CCDC171: variants seen among roughly 807,000 people sequenced by gnomAD.
The protein encoded by CCDC171 is coiled-coil domain containing 171.
Under a neutral mutation model 168.2 loss-of-function variants are expected in CCDC171, and 177 were observed. The observed-to-expected ratio is 1.05, with a 90% CI of 0.93 to 1.19. The LOEUF (loss-of-function observed/expected upper bound fraction) is 1.19, where lower values mean the gene tolerates loss of function less well. CCDC171 is among the 50% of genes most tolerant of loss of function. CCDC171 has a pLI of 0.00. For synonymous variants in CCDC171, 687 were observed against 540.8 expected (o/e 1.27, Z -3.75); for missense variants, 1,991 against 1,539.0 (o/e 1.29, Z -4.91).
intron 25 of CCDC171, among the ~76,000 whole-genome samples, chr9:15,921,288 A>G (rs1054071261): frequency 6.6e-6 from 1 of 151,696 alleles, no homozygotes; most frequent in Admixed American, 6.6e-5. Context: ...GTCTTGGCTC[A>G]AGTGCCAGCG....
At chr9:15,800,234 C>T (rs892979187) in intron 21 of CCDC171, among the ~76,000 whole-genome samples, 1 of 152,106 alleles carries the variant, frequency 6.6e-6, no homozygotes, top group African/African-American at 2.4e-5. Flanking sequence ...TTCCCACCAA[C>T]AGCATACAAA....
At chr9:15,584,850 T>C (rs1275890617) in intron 4 of CCDC171, among the ~76,000 whole-genome samples, 1 of 152,168 alleles carries the variant, frequency 6.6e-6, no homozygotes, top group Non-Finnish European at 1.5e-5. Context: ...TGGAAGGCAC[T>C]AGATATGAAA....
At chr9:15,754,071 G>T (rs2055935536) in intron 18 of CCDC171, among the ~76,000 whole-genome samples, 1 of 152,116 alleles carries the variant, frequency 6.6e-6, no homozygotes, top group African/African-American at 2.4e-5. Context: ...TGACAGAAAG[G>T]ATGGGAACAT....
At chr9:15,658,259 T>G (rs1384577808) in intron 8 of CCDC171, among the ~76,000 whole-genome samples, 1 of 152,314 alleles carries the variant, frequency 6.6e-6, no homozygotes, top group South Asian at 2.1e-4. Context: ...CTAAGAAACT[T>G]AGACTTATTT....
At chr9:15,780,192 G>T (rs564236431) in intron 20 of CCDC171, among the ~76,000 whole-genome samples, 1 of 152,270 alleles carries the variant, frequency 6.6e-6, no homozygotes, top group Non-Finnish European at 1.5e-5. Flanking sequence ...TATGAATTAG[G>T]CAGGTCAAGT....
At chr9:16,052,659 CG>C (rs1833769257) in intron 1 of CCDC171, among the ~76,000 whole-genome samples, 1 of 152,140 alleles carries the variant, frequency 6.6e-6, no homozygotes, top group South Asian at 2.1e-4. Context: ...AGCCAGGGCC[CG>C]GGGCCTTTTG....
At chr9:15,766,055 T>G (rs1266334670) in intron 18 of CCDC171, among the ~76,000 whole-genome samples, 1 of 152,154 alleles carries the variant, frequency 6.6e-6, no homozygotes, top group Non-Finnish European at 1.5e-5. Context: ...GGGAAAAGAT[T>G]GAGCAGGTTT....
intron 3 of CCDC171, among the ~76,000 whole-genome samples, chr9:15,995,884 C>T (rs1246203574): frequency 6.6e-6 from 1 of 152,124 alleles, no homozygotes; most frequent in East Asian, 1.9e-4. Flanking sequence ...TGGGGTAGAT[C>T]CACTCTTTCA....
intron 1 of CCDC171, among the ~76,000 whole-genome samples, chr9:15,563,139 CTTTTTTT>C (rs570575976): frequency 7.3e-6 from 1 of 136,768 alleles, no homozygotes; most frequent in Non-Finnish European, 1.6e-5. Context: ...CAAGTTACTT[CTTTTTTT>C]TTTTTTTTTG....
rs371251974 is a variant in CCDC171, at chr9:15,959,343, G to A, written c.3754-12266G>A. Among the ~76,000 whole-genome samples the A allele has an allele frequency of 1.3e-3, 199 of 152,132 alleles. 2 individuals are homozygous for A. Among genetic ancestry groups the A allele is most frequent in the African/African-American group, 4.4e-3 (184 of 41,498 alleles). On this transcript the variant is annotated intron_variant, in intron 25 of 25. Coordinates refer to ENST00000380701, the MANE Select transcript of CCDC171 (RefSeq NM_173550.4). ...CAAACTGCTTGCTAATTCATTATCTGTGCTTACTAATATTTCTTATGAGTT... is the reference window on the plus strand; with the variant it reads ...CAAACTGCTTGCTAATTCATTATCTATGCTTACTAATATTTCTTATGAGTT...
intron 25 of CCDC171, among the ~76,000 whole-genome samples, chr9:15,929,345 G>A (rs765695259): frequency 6.6e-6 from 1 of 151,608 alleles, no homozygotes; most frequent in Admixed American, 6.6e-5. Context: ...ACCAAATTGA[G>A]TTCTTTAAGG....
chr9:15,831,967 CT>C (rs1282471976), intron 21 of CCDC171, among the ~76,000 whole-genome samples: 2 of 151,796 alleles, frequency 1.3e-5, no homozygotes, highest in Non-Finnish European at 2.9e-5. Context: ...GTTTTGATTT[CT>C]TTTTTTGTCC....
downstream of CCDC171, among the ~76,000 whole-genome samples, chr9:16,065,892 C>T (rs1051271060): frequency 1.3e-5 from 2 of 151,698 alleles, no homozygotes; most frequent in Non-Finnish European, 2.9e-5. Context: ...AACAGTATCT[C>T]CTGTGACTAT....
intron 25 of CCDC171, among the ~76,000 whole-genome samples, chr9:15,961,308 C>A (rs1483834156): frequency 6.6e-6 from 1 of 152,078 alleles, no homozygotes; most frequent in African/African-American, 2.4e-5. Context: ...GGAAATTCTT[C>A]AGTAATGAAA....
At chr9:15,680,731 T>C (rs1319862669) in intron 10 of CCDC171, among the ~76,000 whole-genome samples, 1 of 152,204 alleles carries the variant, frequency 6.6e-6, no homozygotes, top group East Asian at 1.9e-4. Flanking sequence ...TTAAATTTCA[T>C]GGGCTGTTTT....
intron 7 of CCDC171, among the ~76,000 whole-genome samples, chr9:15,636,840 C>G (rs750447685): frequency 4.0e-5 from 6 of 150,240 alleles, no homozygotes; most frequent in Non-Finnish European, 8.9e-5. Context: ...CTTAAGGATG[C>G]TAGAAAACTC....
intron 24 of CCDC171, among the ~76,000 whole-genome samples, chr9:15,888,786 C>T (rs1349169304): frequency 6.6e-6 from 1 of 152,040 alleles, no homozygotes; most frequent in African/African-American, 2.4e-5. Flanking sequence ...ATTCCACACT[C>T]CAGAATGCTC....
chr9:15,755,614 T>G (rs1464895725), intron 18 of CCDC171, among the ~76,000 whole-genome samples: 1 of 152,170 alleles, frequency 6.6e-6, no homozygotes, highest in African/African-American at 2.4e-5. Flanking sequence ...TATTATTAGT[T>G]CATAAAAAGG....
At chr9:16,063,842 C>T (rs894374557), downstream of CCDC171, among the ~76,000 whole-genome samples, 2 of 152,166 alleles carry the variant, frequency 1.3e-5, no homozygotes, top group Non-Finnish European at 2.9e-5. Flanking sequence ...AGTGACTCAC[C>T]CGAGGTCACA....
Sources: gnomAD v4.1 joint callset for allele counts (sites outside exome capture counted in the v4.1 genomes callset) on GRCh38, gnomAD v4.1.1 for gene constraint, MANE v1.5 for transcripts, NCBI Gene and HGNC (gene_info 2026-07-23, HGNC 2026-07-21) for gene names.